S100Z: variants seen among roughly 807,000 people sequenced by gnomAD.
S100Z encodes S100 calcium binding protein Z.
In S100Z, 11 loss-of-function variants were observed where a neutral mutation model predicts 8.5. That is an observed-to-expected ratio of 1.30 (90% confidence interval 0.82 to 2.15). The LOEUF (loss-of-function observed/expected upper bound fraction) is 2.15, where lower values mean the gene tolerates loss of function less well. Ranked by LOEUF, S100Z falls within the 30% of genes most tolerant of loss-of-function variation. S100Z has a pLI of 0.00. For missense variants in S100Z, 126 were observed against 117.9 expected (o/e 1.07, Z -0.32); for synonymous variants, 34 against 43.8 (o/e 0.78, Z 0.89).
chr5:76,885,849 TG>T (rs1384619579), intron 4 of S100Z, among the ~76,000 whole-genome samples: 1 of 126,622 alleles, frequency 7.9e-6, no homozygotes, highest in African/African-American at 3.3e-5. Flanking sequence ...AGAGAAGGGG[TG>T]GGGGGTGCTT....
the S100Z span, chr5:76,952,930 G>A: frequency 3.5e-6 from 2 of 575,088 alleles, no homozygotes; most frequent in Non-Finnish European, 3.1e-6. Flanking sequence ...TCATCGCCAC[G>A]TACTCTGTCA....
At chr5:76,891,085 CT>C (rs2150660913) in intron 4 of S100Z, among the ~76,000 whole-genome samples, 1 of 152,290 alleles carries the variant, frequency 6.6e-6, no homozygotes, top group East Asian at 1.9e-4. Flanking sequence ...TAGTCTTGAA[CT>C]CCTGACCTTA....
At chr5:76,897,002 T>C (rs1216466583) in intron 4 of S100Z, among the ~76,000 whole-genome samples, 1 of 152,214 alleles carries the variant, frequency 6.6e-6, no homozygotes, top group East Asian at 1.9e-4. Context: ...TCTATTTTGT[T>C]CCATTGGTCT....
At chr5:76,904,609 T>C (rs547928445) in intron 4 of S100Z, among the ~76,000 whole-genome samples, 23 of 152,234 alleles carry the variant, frequency 1.5e-4, no homozygotes, top group African/African-American at 5.3e-4. Context: ...CATTTATGTT[T>C]GAAATGAAAT....
chr5:76,931,312 T>C, the S100Z span, among the ~76,000 whole-genome samples: 1 of 152,082 alleles, frequency 6.6e-6, no homozygotes, highest in South Asian at 2.1e-4. Context: ...AGGGTTTCAC[T>C]ATGTTGCCCA....
intron 4 of S100Z, among the ~76,000 whole-genome samples, chr5:76,886,494 C>T (rs1056262617): frequency 9.2e-5 from 14 of 152,060 alleles, no homozygotes; most frequent in African/African-American, 2.7e-4. Flanking sequence ...TCTGAGGACC[C>T]GAGGTCGTAG....
At chr5:76,862,516 C>T (rs752742238) in intron 1 of S100Z, among the ~76,000 whole-genome samples, 16 of 151,930 alleles carry the variant, frequency 1.1e-4, no homozygotes, top group Non-Finnish European at 2.4e-4. Context: ...CCCTGAGGAG[C>T]CACCAGGTGC....
intron 1 of S100Z, among the ~76,000 whole-genome samples, chr5:76,857,846 T>A (rs1750929536): frequency 1.3e-5 from 2 of 152,138 alleles, no homozygotes; most frequent in African/African-American, 4.8e-5. Context: ...TACAAGAAAT[T>A]TCTTACCCAA....
the S100Z span, among the ~76,000 whole-genome samples, chr5:76,946,849 G>T: frequency 6.6e-6 from 1 of 152,042 alleles, no homozygotes; most frequent in Non-Finnish European, 1.5e-5. Flanking sequence ...ACATTGAATC[G>T]AGGTGGGCCT....
At chr5:76,866,079 AT>A (rs1163641312) in intron 1 of S100Z, among the ~76,000 whole-genome samples, 1 of 151,062 alleles carries the variant, frequency 6.6e-6, no homozygotes, top group African/African-American at 2.4e-5. Flanking sequence ...AGAAAGAAAA[AT>A]TTTTGTTTGT....
At chr5:76,941,032 T>C in the S100Z span, among the ~76,000 whole-genome samples, 1 of 152,164 alleles carries the variant, frequency 6.6e-6, no homozygotes, top group South Asian at 2.1e-4. Context: ...CCCTGACTAA[T>C]ACAGTTCTTG....
the S100Z span, among the ~76,000 whole-genome samples, chr5:76,944,633 C>T: frequency 2.0e-5 from 3 of 152,176 alleles, no homozygotes; most frequent in South Asian, 2.1e-4. Flanking sequence ...AACTAAACAC[C>T]GGCTAGCTTG....
At chr5:76,885,542 G>T (rs1489067025) in intron 4 of S100Z, among the ~76,000 whole-genome samples, 2 of 135,434 alleles carry the variant, frequency 1.5e-5, no homozygotes, top group African/African-American at 2.8e-5. Context: ...TGGGAACGGG[G>T]TGGGAGGTGC....
the S100Z span, chr5:76,952,889 T>C: frequency 1.9e-6 from 1 of 530,476 alleles, no homozygotes; most frequent in Admixed American, 3.1e-5. Flanking sequence ...TGGGCCACGC[T>C]GAAAATTTGT....
the S100Z span, among the ~76,000 whole-genome samples, chr5:76,944,053 C>G: frequency 6.6e-6 from 1 of 152,086 alleles, no homozygotes; most frequent in Non-Finnish European, 1.5e-5. Context: ...TGGGAGTCCC[C>G]TACTTGCCTC....
the S100Z span, among the ~76,000 whole-genome samples, chr5:76,932,307 A>G: frequency 5.9e-5 from 9 of 152,152 alleles, no homozygotes; most frequent in African/African-American, 2.2e-4. Flanking sequence ...CTAGGCTTTC[A>G]ACAGCACAAG....
the S100Z span, among the ~76,000 whole-genome samples, chr5:76,936,675 A>C: frequency 6.6e-6 from 1 of 151,532 alleles, no homozygotes; most frequent in Non-Finnish European, 1.5e-5. Flanking sequence ...AGGAAACAAC[A>C]GCAAGAATGT....
chr5:76,915,989 C>T (rs4704378), intron 4 of S100Z, among the ~76,000 whole-genome samples: 2,332 of 152,070 alleles, frequency 0.015, 68 homozygotes, highest in East Asian at 0.11. Flanking sequence ...GGTGAAACCT[C>T]GTCTCTACTA....
intron 4 of S100Z, among the ~76,000 whole-genome samples, chr5:76,907,003 T>TATATAC (rs1744471535): frequency 6.3e-5 from 1 of 15,792 alleles, no homozygotes; most frequent in African/African-American, 2.7e-4. Context: ...TATATATATA[T>TATATAC]ATATATATAT....
Sources: allele counts gnomAD v4.1 joint callset (sites outside exome capture counted in the v4.1 genomes callset), GRCh38; gene constraint gnomAD v4.1.1; transcripts MANE v1.5; gene names NCBI Gene and HGNC (gene_info 2026-07-23, HGNC 2026-07-21).